Variants in SEC22A observed in about 807,000 individuals in gnomAD.
SEC22A encodes the protein SEC22 homolog A, vesicle trafficking protein, also known as vesicle-trafficking protein SEC22a.
A neutral mutation model predicts 35.3 loss-of-function variants in SEC22A; 22 were observed. The ratio of observed to expected loss-of-function variants is 0.62; its 90% CI spans 0.45 to 0.89. The LOEUF (loss-of-function observed/expected upper bound fraction) is 0.89, where lower values mean the gene tolerates loss of function less well. SEC22A is among the 40% of genes least tolerant of loss of function. The pLI is 0.00. For missense variants in SEC22A, 354 were observed against 362.5 expected (o/e 0.98, Z 0.19); for synonymous variants, 119 against 129.5 (o/e 0.92, Z 0.55).
intron 2 of SEC22A, among the ~76,000 whole-genome samples, chr3:123,220,867 C>CTCATATATATATATATATATAT (rs1937107814): frequency 1.0e-5 from 1 of 97,530 alleles, no homozygotes; most frequent in Non-Finnish European, 2.3e-5. Context: ...AAAAAGGTCT[C>CTCATATATATATATATATATAT]ATATATATAT....
chr3:123,246,420 A>T (rs1267583919), intron 5 of SEC22A, among the ~76,000 whole-genome samples: 3 of 152,176 alleles, frequency 2.0e-5, no homozygotes, highest in Non-Finnish European at 4.4e-5. Flanking sequence ...GAAAGATCTG[A>T]TCAGACAGAG....
intron 6 of SEC22A, among the ~76,000 whole-genome samples, chr3:123,266,408 T>G (rs889216007): frequency 6.6e-6 from 1 of 152,170 alleles, no homozygotes; most frequent in Non-Finnish European, 1.5e-5. Context: ...TTTTTTATAA[T>G]GTATGCACTA....
At chr3:123,235,696 C>A (rs1937406429) in intron 4 of SEC22A, among the ~76,000 whole-genome samples, 1 of 152,106 alleles carries the variant, frequency 6.6e-6, no homozygotes, top group Non-Finnish European at 1.5e-5. Context: ...CGGAGAAATG[C>A]AAACATATGT....
Position 123,221,439 on chromosome 3 carries a change from C to G in SEC22A, c.183-2120C>G, listed in dbSNP as rs191739602. Among the ~76,000 whole-genome samples, 4 of 142,754 alleles carry G rather than the reference C, an allele frequency of 2.8e-5. 1 individual carries two copies. In the South Asian group the frequency reaches 8.9e-4, roughly 32 times the overall value. The allele number at this position is 142,754 out of a possible 152,430, so 93.7% of individuals were successfully genotyped here. A position where few individuals can be genotyped will look rare whatever the true frequency, so the allele number is the denominator to read the frequency against. ...TGAGCCGAGATTGTGCCACTGCACT[C>G]CAGCCTGGGTGACAGAGCAAGAGTC... On this transcript the variant is annotated intron_variant, in intron 2 of 6. Transcript: ENST00000492595.
rs1937170448 is a variant in SEC22A, at chr3:123,223,670, T to A, written c.294T>A (p.Tyr98Ter). The change falls in exon 3 of 7, where the codon TAT becomes TAA. Residue 98 changes from tyrosine to a stop codon, truncating the protein, a stop_gained. Transcript: ENST00000492595. LOFTEE classifies it high-confidence loss of function. ...DELQKEFITT[Y>*]NMMKTNTAVR... Reference sequence around the variant, plus strand: ...TTCAGAAGGAGTTCATTACTACTTATAACATGATGAAGACAAATACTGCTG... The same window carrying A: ...TTCAGAAGGAGTTCATTACTACTTAAAACATGATGAAGACAAATACTGCTG... The A allele has an allele frequency of 6.2e-7, 1 of 1,613,664 alleles. No individual in the cohort carries two copies. The highest frequency in any genetic ancestry group is 1.3e-5 in the African/African-American group (1 of 75,048).
chr3:123,225,031 C>T, intron 3 of SEC22A, 72 bp from the exon 4 acceptor site: 5 of 946,890 alleles, frequency 5.3e-6, no homozygotes, highest in Non-Finnish European at 6.4e-6. Flanking sequence ...TATTTACTAT[C>T]CATAAACATC....
intron 6 of SEC22A, among the ~76,000 whole-genome samples, chr3:123,269,875 G>A (rs1177163963): frequency 5.9e-5 from 9 of 151,904 alleles, no homozygotes; most frequent in African/African-American, 1.5e-4. Flanking sequence ...CTCGTGATCC[G>A]CCTGCCTGGG....
At chr3:123,253,040 A>T (rs1350999381) in intron 5 of SEC22A, among the ~76,000 whole-genome samples, 1 of 152,228 alleles carries the variant, frequency 6.6e-6, no homozygotes, top group African/African-American at 2.4e-5. Context: ...TTAAGGCTCA[A>T]CCTTGAAACA....
At chr3:123,230,149 A>G (rs1937295378) in intron 4 of SEC22A, among the ~76,000 whole-genome samples, 1 of 152,140 alleles carries the variant, frequency 6.6e-6, no homozygotes, top group South Asian at 2.1e-4. Context: ...GTAAAAATAC[A>G]TTAATGCATT....
At position 123,271,591 on chromosome 3, in the gene SEC22A, C is replaced by G; in HGVS notation, c.793C>G (p.Leu265Val). Residue 265 changes from leucine (L) to valine (V), a missense_variant, in exon 7 of 7, where the codon CTA (leucine) becomes GTA (valine). Coordinates refer to ENST00000492595, the MANE Select transcript of SEC22A (RefSeq NM_012430.5). Reference protein sequence around the residue: ...KSFLTFGLICLCNMYLYELRN... With the variant: ...KSFLTFGLICVCNMYLYELRN... ...TTTTTTGACTTTTGGCTTAATCTGTCTATGCAACATGTATCTCTATGAACT... is the reference window on the plus strand; with the variant it reads ...TTTTTTGACTTTTGGCTTAATCTGTGTATGCAACATGTATCTCTATGAACT... 6.2e-7 allele frequency: 1 copy of G among 1,614,144 alleles called. No homozygotes were observed.
At chr3:123,241,011 AC>A (rs1937515199) in intron 4 of SEC22A, among the ~76,000 whole-genome samples, 1 of 133,112 alleles carries the variant, frequency 7.5e-6, no homozygotes, top group Admixed American at 7.6e-5. Flanking sequence ...TTACACACAC[AC>A]ACACACACAC....
chr3:123,220,524 G>A (rs895779339), intron 2 of SEC22A, among the ~76,000 whole-genome samples: 45 of 152,078 alleles, frequency 3.0e-4, no homozygotes, highest in African/African-American at 1.0e-3. Context: ...ATCCTTAAGA[G>A]ATACATTTTA....
At chr3:123,255,563 C>A (rs765550939) in intron 5 of SEC22A, among the ~76,000 whole-genome samples, 2 of 152,116 alleles carry the variant, frequency 1.3e-5, no homozygotes, top group Non-Finnish European at 2.9e-5. Context: ...GTAATTGCCT[C>A]CCAACTTTCT....
At chr3:123,267,499 T>C (rs1483921134) in intron 6 of SEC22A, among the ~76,000 whole-genome samples, 1 of 152,126 alleles carries the variant, frequency 6.6e-6, no homozygotes, top group Non-Finnish European at 1.5e-5. Flanking sequence ...GTTTTTGCCC[T>C]CCCCTATTTA....
intron 1 of SEC22A, among the ~76,000 whole-genome samples, chr3:123,204,483 C>G (rs1361197186): frequency 5.3e-5 from 8 of 152,168 alleles, no homozygotes; most frequent in Non-Finnish European, 1.5e-5. Context: ...AATCCACTTA[C>G]ATGTTGGGCT....
At chr3:123,209,093 A>G in intron 1 of SEC22A, 106 bp from the exon 2 acceptor site, 1 of 884,688 alleles carries the variant, frequency 1.1e-6, no homozygotes, top group Non-Finnish European at 1.8e-6. Context: ...ACACCTGGCC[A>G]TTTTAATTAC....
chr3:123,248,391 C>T (rs1165589656), intron 5 of SEC22A, among the ~76,000 whole-genome samples: 1 of 151,996 alleles, frequency 6.6e-6, no homozygotes, highest in Non-Finnish European at 1.5e-5. Flanking sequence ...AGCAAGATTG[C>T]AGGATATGAG....
In SEC22A at chr3:123,203,126, G is replaced by A. The variant is rs146975508; in HGVS notation, c.-20+1140G>A. 4.1e-3 allele frequency among the ~76,000 whole-genome samples: 477 copies of A among 116,826 alleles called. 3 individuals are homozygous for A. Among genetic ancestry groups the A allele is most frequent in the Admixed American group, 6.5e-3 (56 of 8,610 alleles). The allele number at this position is 116,826 out of a possible 152,430, so 76.6% of individuals were successfully genotyped here. ...TAAAATCGAAGTATATCTTATGTTG[G>A]TATATGAAAGAGGCCTAGGTCTTAT... On this transcript the variant is annotated intron_variant, in intron 1 of 6. Transcript: ENST00000492595.
intron 2 of SEC22A, among the ~76,000 whole-genome samples, chr3:123,212,362 GA>G (rs1484119241): frequency 1.3e-5 from 2 of 151,990 alleles, no homozygotes; most frequent in East Asian, 3.8e-4. Flanking sequence ...TTTTTTAGAG[GA>G]AAAACTTGAA....
Sources: allele counts gnomAD v4.1 joint callset (sites outside exome capture counted in the v4.1 genomes callset), GRCh38; gene constraint gnomAD v4.1.1; transcripts MANE v1.5; gene names NCBI Gene and HGNC (gene_info 2026-07-23, HGNC 2026-07-21).